RPN2: variants seen among roughly 807,000 people sequenced by gnomAD.
RPN2 encodes ribophorin II.
A neutral mutation model predicts 71.4 loss-of-function variants in RPN2; 29 were observed. The ratio of observed to expected loss-of-function variants is 0.41; its 90% CI spans 0.30 to 0.55. The LOEUF (loss-of-function observed/expected upper bound fraction) is 0.55, where lower values mean the gene tolerates loss of function less well. RPN2 is among the 20% of genes least tolerant of loss of function. RPN2 has a pLI of 0.35. For missense variants in RPN2, 726 were observed against 774.1 expected, an observed-to-expected ratio of 0.94 and a Z score of 0.74; for synonymous variants, 308 against 305.0, an observed-to-expected ratio of 1.01 and a Z score of -0.10.
chr20:37,235,067 A>G (rs1236743627), intron 15 of RPN2, among the ~76,000 whole-genome samples: 1 of 152,222 alleles, frequency 6.6e-6, no homozygotes, highest in East Asian at 1.9e-4. Context: ...GGGTGCATAG[A>G]TAAGTCTCTT....
intron 8 of RPN2, among the ~76,000 whole-genome samples, chr20:37,211,191 C>T (rs1001737519): frequency 2.6e-5 from 4 of 151,744 alleles, no homozygotes; most frequent in Non-Finnish European, 4.4e-5. Context: ...TGTGACACTA[C>T]GCCTGGCTAA....
Position 37,213,826 on chromosome 20 carries a change from A to C in RPN2, c.1053A>C (p.Glu351Asp), listed in dbSNP as rs2067738096. 4.3e-6 allele frequency: 7 copies of C among 1,614,164 alleles called. No individual in the cohort carries two copies. Among genetic ancestry groups the C allele is most frequent in the Non-Finnish European group, 5.9e-6 (7 of 1,179,994 alleles). The change falls in exon 9 of 17, where the codon GAA becomes GAC. Residue 351 changes from glutamate (E) to aspartate (D), a missense_variant. Glu to Asp is a conservative substitution (Grantham distance 45). Coordinates refer to ENST00000237530, the MANE Select transcript of RPN2 (RefSeq NM_002951.5). ...FSSGYYDFLVEVEGDNRYIAN... is the reference protein window; with the variant it reads ...FSSGYYDFLVDVEGDNRYIAN... ...GTGGTTATTATGACTTCCTTGTCGA[A>C]GTTGAAGGTGACAACCGGTATATTG...
At chr20:37,185,172 C>G (rs2066980595) in intron 2 of RPN2, among the ~76,000 whole-genome samples, 1 of 145,100 alleles carries the variant, frequency 6.9e-6, no homozygotes, top group African/African-American at 2.6e-5. Flanking sequence ...GAGACAGAGT[C>G]TGGCTCACCC....
intron 1 of RPN2, among the ~76,000 whole-genome samples, chr20:37,180,044 A>T (rs768227288): frequency 6.6e-6 from 1 of 152,240 alleles, no homozygotes; most frequent in Non-Finnish European, 1.5e-5. Flanking sequence ...CTAGGTAAGA[A>T]CTAAGTTAAC....
chr20:37,208,142 C>A (rs896818906), intron 7 of RPN2, among the ~76,000 whole-genome samples: 2 of 151,912 alleles, frequency 1.3e-5, no homozygotes, highest in Non-Finnish European at 2.9e-5. Flanking sequence ...TGGTGGTGCG[C>A]ACCTGTAGTC....
chr20:37,208,811 A>G (rs993603084), intron 7 of RPN2, among the ~76,000 whole-genome samples: 4 of 152,210 alleles, frequency 2.6e-5, no homozygotes, highest in Non-Finnish European at 4.4e-5. Flanking sequence ...TTAGCATTTT[A>G]TTAATGTCTA....
At chr20:37,224,472 G>A (rs1737435146) in intron 10 of RPN2, among the ~76,000 whole-genome samples, 1 of 152,110 alleles carries the variant, frequency 6.6e-6, no homozygotes, top group Non-Finnish European at 1.5e-5. Flanking sequence ...AAATTGAGAT[G>A]GCAGATACCC....
chr20:37,239,340 T>G (rs1361781052), intron 16 of RPN2, among the ~76,000 whole-genome samples: 1 of 152,144 alleles, frequency 6.6e-6, no homozygotes, highest in Non-Finnish European at 1.5e-5. Flanking sequence ...GTGGCACAGT[T>G]TGCTGACCCC....
At chr20:37,180,446 C>G (rs937764672) in intron 1 of RPN2, among the ~76,000 whole-genome samples, 1 of 152,128 alleles carries the variant, frequency 6.6e-6, no homozygotes. Context: ...GTGGGCATAC[C>G]TAACATATTA....
intron 2 of RPN2, among the ~76,000 whole-genome samples, chr20:37,193,426 G>A (rs1274287047): frequency 6.6e-6 from 1 of 152,178 alleles, no homozygotes; most frequent in Non-Finnish European, 1.5e-5. Flanking sequence ...AGGAGGAGGT[G>A]TGTGGAACAG....
intron 7 of RPN2, among the ~76,000 whole-genome samples, chr20:37,209,711 G>A (rs2067609561): frequency 6.6e-6 from 1 of 150,868 alleles, no homozygotes; most frequent in Non-Finnish European, 1.5e-5. Context: ...TGAACTCTTT[G>A]GCATCAAGTG....
chr20:37,212,836 A>G (rs1038769234), intron 8 of RPN2, among the ~76,000 whole-genome samples: 3 of 152,130 alleles, frequency 2.0e-5, no homozygotes, highest in Non-Finnish European at 4.4e-5. Flanking sequence ...GGAGTTTTCA[A>G]TTTTAGAGAG....
chr20:37,202,509 A>G (rs944460946), intron 4 of RPN2, among the ~76,000 whole-genome samples: 15 of 152,150 alleles, frequency 9.9e-5, no homozygotes, highest in African/African-American at 3.6e-4. Flanking sequence ...GGAATTAGGA[A>G]ACCATTCGGG....
intron 15 of RPN2, 142 bp from the exon 16 acceptor site, chr20:37,236,438 G>A: frequency 1.2e-6 from 1 of 868,394 alleles, no homozygotes; most frequent in Admixed American, 2.0e-5. Flanking sequence ...CTACTTTTTG[G>A]CATCAGAGCA....
chr20:37,238,878 C>T (rs2068477306), intron 16 of RPN2: 1 of 517,970 alleles, frequency 1.9e-6, no homozygotes, highest in Non-Finnish European at 3.9e-6. Context: ...TTCTGTAACA[C>T]CGATCTCTAG....
intron 2 of RPN2, among the ~76,000 whole-genome samples, chr20:37,191,246 G>A (rs1032356718): frequency 9.9e-5 from 15 of 152,174 alleles, no homozygotes; most frequent in African/African-American, 3.4e-4. Context: ...GGAGGCTGAG[G>A]TTGGTGGATC....
At chr20:37,231,661 A>G (rs2068250822) in intron 13 of RPN2, among the ~76,000 whole-genome samples, 2 of 151,306 alleles carry the variant, frequency 1.3e-5, no homozygotes, top group South Asian at 2.1e-4. Context: ...ACAGCAAGCT[A>G]TGATGGTGCT....
chr20:37,237,242 G>A (rs2068424412), intron 16 of RPN2, among the ~76,000 whole-genome samples: 1 of 152,150 alleles, frequency 6.6e-6, no homozygotes, highest in Non-Finnish European at 1.5e-5. Flanking sequence ...GACAACCTTA[G>A]AGTCACATGG....
intron 9 of RPN2, among the ~76,000 whole-genome samples, chr20:37,223,009 C>T (rs1300703839): frequency 2.6e-5 from 4 of 152,216 alleles, no homozygotes; most frequent in Admixed American, 6.5e-5. Context: ...TTTTTCCCCA[C>T]GCTAGATTCT....
Sources: gnomAD v4.1 joint callset for allele counts (sites outside exome capture counted in the v4.1 genomes callset) on GRCh38, gnomAD v4.1.1 for gene constraint, MANE v1.5 for transcripts, NCBI Gene and HGNC (gene_info 2026-07-23, HGNC 2026-07-21) for gene names.